The following FBXW7 variants were observed in gnomAD, a reference collection of about 807,000 sequenced individuals.
The protein encoded by FBXW7 is F-box and WD repeat domain containing 7.
Under a neutral mutation model 86.3 loss-of-function variants are expected in FBXW7, and 11 were observed. That is an observed-to-expected ratio of 0.13 (90% CI 0.08 to 0.21). The LOEUF (loss-of-function observed/expected upper bound fraction) is 0.21, where lower values mean the gene tolerates loss of function less well. Ranked by LOEUF, FBXW7 falls within the 10% of genes least tolerant of loss-of-function variation. The pLI, the probability that FBXW7 is intolerant of heterozygous loss-of-function variation, is 1.00. For missense variants in FBXW7, 488 were observed against 847.4 expected (o/e 0.58, Z 5.27); for synonymous variants, 313 against 297.9 (o/e 1.05, Z -0.52).
intron 4 of FBXW7, among the ~76,000 whole-genome samples, chr4:152,388,688 T>C (rs765449839): frequency 6.6e-6 from 1 of 152,186 alleles, no homozygotes; most frequent in African/African-American, 2.4e-5. Context: ...AACTATTTAA[T>C]GTCTTGCAGT....
At chr4:152,408,807 G>A (rs182121205) in intron 4 of FBXW7, among the ~76,000 whole-genome samples, 114 of 152,314 alleles carry the variant, frequency 7.5e-4, no homozygotes, top group Admixed American at 1.3e-3. Flanking sequence ...CTCTCATCAC[G>A]TAGTGTAATC....
At chr4:152,447,700 T>C (rs1218458864) in intron 2 of FBXW7, among the ~76,000 whole-genome samples, 1 of 152,186 alleles carries the variant, frequency 6.6e-6, no homozygotes, top group African/African-American at 2.4e-5. Flanking sequence ...ATACAACTCA[T>C]ATTTCCTAAA....
chr4:152,431,439 G>C (rs1374699272), intron 2 of FBXW7, among the ~76,000 whole-genome samples: 1 of 152,106 alleles, frequency 6.6e-6, no homozygotes, highest in Non-Finnish European at 1.5e-5. Flanking sequence ...TTTTTCTAAG[G>C]GTTTAAAGCA....
chr4:152,437,589 T>C (rs546027971), intron 2 of FBXW7, among the ~76,000 whole-genome samples: 2 of 152,334 alleles, frequency 1.3e-5, no homozygotes, highest in Admixed American at 1.3e-4. Flanking sequence ...ATACACTTAA[T>C]TGATAAACCA....
chr4:152,387,441 CA>C (rs1228409719), intron 4 of FBXW7, among the ~76,000 whole-genome samples: 2 of 152,048 alleles, frequency 1.3e-5, no homozygotes, highest in Admixed American at 6.6e-5. Flanking sequence ...TTCCTAACAT[CA>C]TAGATATCAG....
chr4:152,402,837 G>A (rs1560853491), intron 4 of FBXW7, among the ~76,000 whole-genome samples: 1 of 152,198 alleles, frequency 6.6e-6, no homozygotes, highest in Admixed American at 6.5e-5. Context: ...GCTCTAGGTA[G>A]AAGAACAAGG....
intron 2 of FBXW7, among the ~76,000 whole-genome samples, chr4:152,513,245 A>G (rs1046583842): frequency 1.3e-5 from 2 of 152,202 alleles, no homozygotes; most frequent in African/African-American, 4.8e-5. Flanking sequence ...ATTTTCTGGT[A>G]TGCAAATTAT....
chr4:152,425,403 C>T (rs1172243134), intron 2 of FBXW7, among the ~76,000 whole-genome samples: 3 of 152,132 alleles, frequency 2.0e-5, no homozygotes, highest in Admixed American at 6.5e-5. Flanking sequence ...TGTTTTCATA[C>T]TCCACCCCAG....
Position 152,411,315 on chromosome 4 carries a change from T to G in FBXW7, c.489A>C (p.Thr163=). 6.3e-7 allele frequency: 1 copy of G among 1,599,790 alleles called. No individual in the cohort carries two copies. Among genetic ancestry groups the G allele is most frequent in the Non-Finnish European group, 8.5e-7 (1 of 1,172,828 alleles). ...TGAATATACTCACTTTTGTTGTTTT[T>G]GTATAGAATGGGGAGGAGAGTTGGT... ...PVHQLSSPFY[T]KTTKMKRKLD... Residue 163 remains threonine (T), a synonymous_variant, in exon 4 of 14, where the codon ACA becomes ACC. Coordinates refer to ENST00000281708, the MANE Select transcript of FBXW7 (RefSeq NM_001349798.2).
chr4:152,370,713 T>C (rs1733934675), intron 4 of FBXW7, among the ~76,000 whole-genome samples: 1 of 151,964 alleles, frequency 6.6e-6, no homozygotes, highest in South Asian at 2.1e-4. Flanking sequence ...TAGTAAGATG[T>C]ACGTTTGAGA....
intron 2 of FBXW7, among the ~76,000 whole-genome samples, chr4:152,421,669 G>A (rs947016941): frequency 2.0e-5 from 3 of 152,112 alleles, no homozygotes; most frequent in Admixed American, 1.3e-4. Context: ...ATCATTTCTA[G>A]CTTTTGATTT....
chr4:152,374,123 T>C (rs1047794234), intron 4 of FBXW7, among the ~76,000 whole-genome samples: 7 of 151,868 alleles, frequency 4.6e-5, no homozygotes, highest in African/African-American at 1.7e-4. Flanking sequence ...AAGCCACATT[T>C]TAGTTTCCTC....
rs753744304 is a variant in FBXW7 at position 152,330,910 on chromosome 4, A to G, written c.986-42T>C. The G allele has an allele frequency of 3.2e-6, 5 of 1,581,178 alleles. No homozygotes were observed. In the South Asian group the frequency reaches 3.4e-5, roughly 11 times the overall value. On this transcript the variant is annotated intron_variant, in intron 8 of 13. Transcript: ENST00000281708. ...CAAGAGTAAATTGCCTTCACCAATA[A>G]TAACAGTTATACATTTTATAAAGTA...
chr4:152,391,806 T>C (rs1038751405), intron 4 of FBXW7, among the ~76,000 whole-genome samples: 5 of 151,932 alleles, frequency 3.3e-5, no homozygotes, highest in Non-Finnish European at 5.9e-5. Context: ...GGTAGTAGAG[T>C]TGAGATTTTA....
intron 9 of FBXW7, among the ~76,000 whole-genome samples, chr4:152,330,245 G>T (rs1208046184): frequency 2.0e-5 from 3 of 151,798 alleles, no homozygotes; most frequent in Admixed American, 1.3e-4. Flanking sequence ...GTTTTTTCCA[G>T]TTGTAAAAAT....
chr4:152,356,172 T>C (rs1732367804), intron 4 of FBXW7, among the ~76,000 whole-genome samples: 1 of 152,210 alleles, frequency 6.6e-6, no homozygotes, highest in African/African-American at 2.4e-5. Context: ...ATTATTTTTA[T>C]ACATCTTTCT....
chr4:152,354,162 T>A (rs1732134416), intron 4 of FBXW7, among the ~76,000 whole-genome samples: 1 of 152,114 alleles, frequency 6.6e-6, no homozygotes, highest in Non-Finnish European at 1.5e-5. Flanking sequence ...TAAGATAACG[T>A]AAAATTTTAT....
intron 4 of FBXW7, among the ~76,000 whole-genome samples, chr4:152,381,140 G>A (rs190008650): frequency 6.6e-6 from 1 of 152,112 alleles, no homozygotes; most frequent in African/African-American, 2.4e-5. Flanking sequence ...GCGTAGAAGT[G>A]GAAACTACTC....
chr4:152,336,507 A>T (rs1396965518), intron 7 of FBXW7, among the ~76,000 whole-genome samples: 1 of 152,098 alleles, frequency 6.6e-6, no homozygotes, highest in Non-Finnish European at 1.5e-5. Flanking sequence ...GATATCACTA[A>T]GTAAACTACA....
Sources: gnomAD v4.1 joint callset for allele counts (sites outside exome capture counted in the v4.1 genomes callset) on GRCh38, gnomAD v4.1.1 for gene constraint, MANE v1.5 for transcripts, NCBI Gene and HGNC (gene_info 2026-07-23, HGNC 2026-07-21) for gene names.